Variants in BRWD3 observed in about 807,000 individuals in gnomAD.
The protein encoded by BRWD3 is bromodomain and WD repeat domain containing 3, also known as bromodomain and WD repeat-containing protein 3.
Under a neutral mutation model 149.7 loss-of-function variants are expected in BRWD3, and 10 were observed. The ratio of observed to expected loss-of-function variants is 0.07; its 90% CI spans 0.04 to 0.11. BRWD3 has a LOEUF of 0.11. BRWD3 is among the 10% of genes least tolerant of loss of function. The pLI, the probability that BRWD3 is intolerant of heterozygous loss-of-function variation, is 1.00. For missense variants in BRWD3, 940 were observed against 1,373.2 expected (o/e 0.68, Z 4.99); for synonymous variants, 504 against 456.7 (o/e 1.10, Z -1.32).
intron 39 of BRWD3, 61 bp downstream of exon 39, chrX:80,681,936 A>G: frequency 1.1e-6 from 1 of 933,122 alleles, no homozygotes; most frequent in Non-Finnish European, 1.6e-6. Flanking sequence ...TGCCTCTTCT[A>G]TATCCTTAAT....
rs767128799 is a variant in BRWD3, at chrX:80,809,316, G to C, written c.32-12C>G. The C allele has an allele frequency of 4.2e-6, 5 of 1,186,629 alleles. No homozygotes were observed. Among genetic ancestry groups the C allele is most frequent in the South Asian group, 1.8e-5 (1 of 54,346 alleles). Reference sequence around the variant, plus strand: ...CAGGTAATACAGCTCTGGGGAAGAGGGGGGAAAAGAGGTTCAGAGGGAGGT... The same window carrying C: ...CAGGTAATACAGCTCTGGGGAAGAGCGGGGAAAAGAGGTTCAGAGGGAGGT... On this transcript the variant is annotated splice_polypyrimidine_tract_variant and intron_variant, in intron 1 of 40. Transcript: ENST00000373275.
chrX:80,733,129 C>CAAAA, intron 12 of BRWD3: 1 of 82,528 alleles, frequency 1.2e-5, no homozygotes, highest in Non-Finnish European at 2.1e-5. Flanking sequence ...GACACCGTCT[C>CAAAA]AAAAAAAAAA....
chrX:80,691,932 T>C lies in BRWD3; in HGVS notation c.3372A>G (p.Glu1124=). Residue 1124 remains glutamate, a synonymous_variant, in exon 30 of 41, where the codon GAA becomes GAG. Coordinates refer to ENST00000373275, the MANE Select transcript of BRWD3 (RefSeq NM_153252.5). ...GTTTGTATAGCAAAGCAGTCAATTC[T>C]TCCTGGGAGACAGGAACACCAGCAC... The part of the protein sequence containing the change: ...EVGAGVPVSQ[E]ELTALLYKPQ... The C allele has an allele frequency of 8.3e-7, 1 of 1,210,002 alleles. No individual in the cohort carries two copies. Among genetic ancestry groups the C allele is most frequent in the Non-Finnish European group, 1.1e-6 (1 of 894,938 alleles).
intron 8 of BRWD3, among the ~76,000 whole-genome samples, chrX:80,740,824 C>A (rs1187522796): frequency 8.9e-6 from 1 of 112,037 alleles, no homozygotes; most frequent in East Asian, 2.8e-4. Context: ...TAAACACAGA[C>A]ACACACATAC....
intron 20 of BRWD3, among the ~76,000 whole-genome samples, chrX:80,711,903 C>T (rs918400645): frequency 2.7e-5 from 3 of 111,534 alleles, no homozygotes; most frequent in African/African-American, 9.8e-5. Context: ...CAACCAGTAG[C>T]CTGGCCATCT....
At chrX:80,725,860 CAT>C (rs973987498) in intron 14 of BRWD3, among the ~76,000 whole-genome samples, 5 of 102,260 alleles carry the variant, frequency 4.9e-5, no homozygotes, top group Non-Finnish European at 4.0e-5. Flanking sequence ...GCCTATATAA[CAT>C]AACATGTTTA....
intron 6 of BRWD3, among the ~76,000 whole-genome samples, chrX:80,749,552 T>C (rs1485456515): frequency 1.3e-4 from 15 of 111,419 alleles, no homozygotes; most frequent in Non-Finnish European, 7.5e-5. Flanking sequence ...TTTCCATCTC[T>C]CCATTTTCAG....
chrX:80,734,013 A>T (rs2073370494), intron 11 of BRWD3, 105 bp downstream of exon 11: 2 of 604,273 alleles, frequency 3.3e-6, no homozygotes, highest in African/African-American at 4.5e-5. Flanking sequence ...TGTAAGCCAA[A>T]ATTTGTGATT....
At chrX:80,774,453 T>C (rs1481514761) in intron 6 of BRWD3, among the ~76,000 whole-genome samples, 1 of 109,471 alleles carries the variant, frequency 9.1e-6, no homozygotes, top group African/African-American at 3.3e-5. Context: ...CTTCAGATTC[T>C]ATCCAGGTCT....
intron 11 of BRWD3, among the ~76,000 whole-genome samples, chrX:80,733,886 T>C (rs1378973147): frequency 9.0e-6 from 1 of 111,674 alleles, no homozygotes; most frequent in Non-Finnish European, 1.9e-5. Context: ...TCCCACATCA[T>C]TTATTTAATT....
At chrX:80,745,401 G>A (rs995856921) in intron 7 of BRWD3, among the ~76,000 whole-genome samples, 168 bp downstream of exon 7, 3 of 111,624 alleles carry the variant, frequency 2.7e-5, no homozygotes, top group African/African-American at 6.5e-5. Context: ...TTGTTCATTC[G>A]TTTACTTATA....
intron 20 of BRWD3, among the ~76,000 whole-genome samples, chrX:80,712,981 G>A (rs1408723006): frequency 9.3e-6 from 1 of 108,088 alleles, no homozygotes; most frequent in Non-Finnish European, 1.9e-5. Context: ...AGTGAGGAGC[G>A]TCTCCGCCCG....
chrX:80,786,766 TC>T (rs2074112561), intron 6 of BRWD3, among the ~76,000 whole-genome samples: 1 of 111,738 alleles, frequency 8.9e-6, no homozygotes, highest in African/African-American at 3.3e-5. Flanking sequence ...CGTCTCGGCC[TC>T]CCAAAGTGCT....
intron 19 of BRWD3, 72 bp downstream of exon 19, chrX:80,717,501 A>G (rs1001009146): frequency 5.0e-6 from 5 of 993,372 alleles, no homozygotes; most frequent in Non-Finnish European, 7.1e-6. Context: ...CTAGGCTAAC[A>G]TAGTACATTT....
At chrX:80,760,650 A>G (rs2073793196) in intron 6 of BRWD3, among the ~76,000 whole-genome samples, 1 of 111,432 alleles carries the variant, frequency 9.0e-6, no homozygotes, top group Admixed American at 9.5e-5. Flanking sequence ...TTCAAACCAG[A>G]CTGTGGTTTT....
At chrX:80,777,882 G>A (rs1179289627) in intron 6 of BRWD3, among the ~76,000 whole-genome samples, 1 of 111,102 alleles carries the variant, frequency 9.0e-6, no homozygotes, top group African/African-American at 3.3e-5. Flanking sequence ...AAATTCCTGG[G>A]CTAAATGGGT....
intron 25 of BRWD3, among the ~76,000 whole-genome samples, chrX:80,699,565 A>G (rs2072750453): frequency 8.9e-6 from 1 of 111,928 alleles, no homozygotes; most frequent in African/African-American, 3.2e-5. Flanking sequence ...ACAAAACACC[A>G]AAAGTTTCTG....
chrX:80,731,138 C>T (rs1179503029), intron 12 of BRWD3, among the ~76,000 whole-genome samples: 1 of 111,202 alleles, frequency 9.0e-6, no homozygotes, highest in African/African-American at 3.3e-5. Flanking sequence ...AATCTCATCA[C>T]AAGTTGTAGA....
chrX:80,735,940 A>C (rs1359603040), intron 9 of BRWD3, 48 bp downstream of exon 9: 1 of 844,880 alleles, frequency 1.2e-6, no homozygotes, highest in Non-Finnish European at 1.7e-6. Context: ...TCAAGGCAAT[A>C]GATAAAAAAT....
Sources: gnomAD v4.1 joint callset for allele counts (sites outside exome capture counted in the v4.1 genomes callset) on GRCh38, gnomAD v4.1.1 for gene constraint, MANE v1.5 for transcripts, NCBI Gene and HGNC (gene_info 2026-07-23, HGNC 2026-07-21) for gene names.